PDE1C: variants seen among roughly 807,000 people sequenced by gnomAD.
PDE1C encodes the protein phosphodiesterase 1C.
PDE1C carries 62 observed loss-of-function variants against 93.1 expected under a neutral mutation model. That is an observed-to-expected ratio of 0.67 (90% CI 0.54 to 0.82). The LOEUF (loss-of-function observed/expected upper bound fraction) is 0.82, where lower values mean the gene tolerates loss of function less well. PDE1C is among the 40% of genes least tolerant of loss of function. The pLI is 0.00. For missense variants in PDE1C, 742 were observed against 884.6 expected, an observed-to-expected ratio of 0.84 and a Z score of 2.04; for synonymous variants, 325 against 310.1, an observed-to-expected ratio of 1.05 and a Z score of -0.50.
At chr7:32,064,939 CCA>C (rs1795208419) in intron 1 of PDE1C, among the ~76,000 whole-genome samples, 1 of 151,546 alleles carries the variant, frequency 6.6e-6, no homozygotes, top group Admixed American at 6.6e-5. Context: ...CAAGAGGACA[CCA>C]CACATTAAGC....
chr7:31,839,059 C>T (rs964396934), intron 9 of PDE1C, among the ~76,000 whole-genome samples: 12 of 146,996 alleles, frequency 8.2e-5, no homozygotes, highest in Non-Finnish European at 1.6e-4. Flanking sequence ...TACATATATA[C>T]ATATTTATTA....
chr7:31,858,278 T>C (rs903307145), intron 7 of PDE1C, among the ~76,000 whole-genome samples: 7 of 152,120 alleles, frequency 4.6e-5, no homozygotes, highest in Admixed American at 1.3e-4. Context: ...CAGTGAGTTG[T>C]GAGCAGAAGT....
At chr7:31,667,258 G>A in the PDE1C span, among the ~76,000 whole-genome samples, 1 of 152,154 alleles carries the variant, frequency 6.6e-6, no homozygotes, top group Non-Finnish European at 1.5e-5. Flanking sequence ...TGAGGTGACA[G>A]TGAATCTTTG....
At chr7:31,692,539 A>C in the PDE1C span, 15 of 1,575,958 alleles carry the variant, frequency 9.5e-6, no homozygotes, top group African/African-American at 2.0e-4. Context: ...CAAATGATCG[A>C]TTGTGAATGT....
chr7:32,415,907 T>C (rs769696236), intron 1 of PDE1C, among the ~76,000 whole-genome samples: 4 of 152,166 alleles, frequency 2.6e-5, no homozygotes, highest in Non-Finnish European at 4.4e-5. Flanking sequence ...TCTCCCTGAA[T>C]TGAGCAGGAG....
At chr7:32,119,874 C>A (rs542395313) in intron 3 of PDE1C, among the ~76,000 whole-genome samples, 1 of 152,206 alleles carries the variant, frequency 6.6e-6, no homozygotes, top group Non-Finnish European at 1.5e-5. Context: ...CCAAGTTTCC[C>A]GGGGGAAGGG....
chr7:32,150,947 C>G (rs1255293674), intron 3 of PDE1C, among the ~76,000 whole-genome samples: 1 of 152,090 alleles, frequency 6.6e-6, no homozygotes, highest in Non-Finnish European at 1.5e-5. Context: ...GAGGAGGAAG[C>G]AGCTTGCATG....
intron 1 of PDE1C, among the ~76,000 whole-genome samples, chr7:32,250,899 G>A (rs1809322666): frequency 6.6e-6 from 1 of 152,230 alleles, no homozygotes; most frequent in Non-Finnish European, 1.5e-5. Flanking sequence ...TCATGGGCTT[G>A]CATTTCTGAA....
At chr7:32,107,147 AAG>A (rs1262637190) in intron 3 of PDE1C, among the ~76,000 whole-genome samples, 1 of 102,568 alleles carries the variant, frequency 9.7e-6, no homozygotes, top group Non-Finnish European at 2.7e-5. Flanking sequence ...CTGAAATGTA[AAG>A]AAAAAAAAAA....
At position 31,913,616 on chromosome 7, in the gene PDE1C, G is replaced by A. The variant is rs565574056; in HGVS notation, c.129-32756C>T. Among the ~76,000 whole-genome samples the A allele has an allele frequency of 2.6e-4, 39 of 152,272 alleles. 1 individual carries two copies. The South Asian group carries it at 7.9e-3, about 31-fold the overall frequency. On this transcript the variant is annotated intron_variant, in intron 2 of 17. Coordinates refer to ENST00000396191, the MANE Select transcript of PDE1C (RefSeq NM_001191057.4). ...AAAAATCTGAATAAGACAAGTGGTG[G>A]GGTGATTTCATCATTTAAGGCAACT...
chr7:32,389,190 G>GTGTGTGTGTGTGTGTGT (rs3079660), intron 1 of PDE1C, among the ~76,000 whole-genome samples: 3 of 127,836 alleles, frequency 2.3e-5, no homozygotes, highest in Non-Finnish European at 4.9e-5. Context: ...GTGTGTGTGT[G>GTGTGTGTGTGTGTGTGT]GTTTTTTTGG....
chr7:32,145,475 G>A (rs773182957), intron 3 of PDE1C, among the ~76,000 whole-genome samples: 60 of 152,234 alleles, frequency 3.9e-4, no homozygotes, highest in Middle Eastern at 3.4e-3. Context: ...GAGGATTCCC[G>A]TCTGAGCAAA....
intron 17 of PDE1C, among the ~76,000 whole-genome samples, chr7:31,766,632 C>T (rs917790455): frequency 6.6e-6 from 1 of 152,150 alleles, no homozygotes; most frequent in Non-Finnish European, 1.5e-5. Flanking sequence ...CATTGCTGCG[C>T]ATTTATGTAT....
chr7:31,954,539 T>A (rs1233425418), intron 2 of PDE1C, among the ~76,000 whole-genome samples: 1 of 152,226 alleles, frequency 6.6e-6, no homozygotes, highest in Admixed American at 6.5e-5. Flanking sequence ...GATCTATTCC[T>A]CTATAACTAA....
chr7:31,874,620 A>C lies in PDE1C; in HGVS notation c.493-1212T>G, dbSNP rs148524557. ...AAGGGTCTCCCTCCTGGATGCTAAT[A>C]AACTGTTTTCAGGGAAAATAGAATT... On this transcript the variant is annotated intron_variant, in intron 5 of 17. Coordinates refer to ENST00000396191, the MANE Select transcript of PDE1C (RefSeq NM_001191057.4). 5.9e-5 allele frequency among the ~76,000 whole-genome samples: 9 copies of C among 152,370 alleles called. No individual in the cohort carries two copies. In the East Asian group the frequency reaches 1.7e-3, roughly 29 times the overall value.
At chr7:32,004,949 G>C (rs753894464) in intron 2 of PDE1C, among the ~76,000 whole-genome samples, 1 of 152,146 alleles carries the variant, frequency 6.6e-6, no homozygotes, top group Non-Finnish European at 1.5e-5. Context: ...TGATTTCCAT[G>C]AGGTAATTTA....
chr7:31,878,118 C>T (rs996474163), intron 4 of PDE1C, 82 bp from the exon 5 acceptor site: 1 of 963,322 alleles, frequency 1.0e-6, no homozygotes, highest in East Asian at 2.5e-5. Context: ...CAAGTATTGA[C>T]AAATAATAAG....
chr7:32,295,081 G>A (rs1812547935), intron 1 of PDE1C, among the ~76,000 whole-genome samples: 1 of 152,196 alleles, frequency 6.6e-6, no homozygotes, highest in Non-Finnish European at 1.5e-5. Context: ...TGGGACTGAG[G>A]GAGCCCAGTG....
chr7:31,865,653 C>T lies in PDE1C; in HGVS notation c.610-571G>A, dbSNP rs78425027. Among the ~76,000 whole-genome samples, 439 of 152,206 alleles carry T rather than the reference C, an allele frequency of 2.9e-3. 2 individuals carry two copies. Among genetic ancestry groups the T allele is most frequent in the Non-Finnish European group, 5.5e-3 (376 of 67,976 alleles). On this transcript the variant is annotated intron_variant, in intron 6 of 17. Coordinates refer to ENST00000396191, the MANE Select transcript of PDE1C (RefSeq NM_001191057.4). ...TTCCAAGTCACTAACAATAAATTGCCAAGTAACAAACATAAGAACATAGCC... is the reference window on the plus strand; with the variant it reads ...TTCCAAGTCACTAACAATAAATTGCTAAGTAACAAACATAAGAACATAGCC...
Sources: gnomAD v4.1 joint callset for allele counts (sites outside exome capture counted in the v4.1 genomes callset) on GRCh38, gnomAD v4.1.1 for gene constraint, MANE v1.5 for transcripts, NCBI Gene and HGNC (gene_info 2026-07-23, HGNC 2026-07-21) for gene names.